KCNA2: variants seen among roughly 807,000 people sequenced by gnomAD.
KCNA2 encodes potassium channel, voltage gated shaker related subfamily A, member 2.
KCNA2 carries 11 observed loss-of-function variants against 33.4 expected under a neutral mutation model. That is an observed-to-expected ratio of 0.33 (90% CI 0.21 to 0.55). The LOEUF is 0.55. Among genes scored for constraint, KCNA2 ranks in the 20% least tolerant of loss-of-function variants. The probability of loss-of-function intolerance (pLI) is 0.93; values close to 1 mark genes in which losing one functional copy is unlikely to be tolerated. For missense variants in KCNA2, 291 were observed against 621.6 expected, an observed-to-expected ratio of 0.47 and a Z score of 5.66; for synonymous variants, 222 against 231.3, an observed-to-expected ratio of 0.96 and a Z score of 0.37.
upstream of KCNA2, among the ~76,000 whole-genome samples, chr1:110,608,860 G>C (rs1303159016): frequency 1.3e-5 from 2 of 152,152 alleles, no homozygotes; most frequent in African/African-American, 4.8e-5. Context: ...GGTTTTAATT[G>C]TTGAATGAGT....
chr1:110,612,164 C>T (rs994999042), intron 1 of KCNA2, among the ~76,000 whole-genome samples: 3 of 152,178 alleles, frequency 2.0e-5, no homozygotes, highest in African/African-American at 7.2e-5. Flanking sequence ...TGCTAATACT[C>T]AAAGGCAGTA....
At position 110,599,564 on chromosome 1, in the gene KCNA2, C is replaced by A. The variant is rs992904687; in HGVS notation, c.*3719G>T. 142 of 985,290 alleles carry A rather than the reference C, an allele frequency of 1.4e-4. 1 individual carries two copies. Among genetic ancestry groups the A allele is most frequent in the Admixed American group, 2.5e-4 (4 of 16,270 alleles). 61.0% of individuals were successfully genotyped at this position (985,290 alleles called of 1,614,324 possible). ...ATGCACAAGAGCAAGTGAAATGCCACAAGCAAGTAAAGGTGGCTCATTTTA... is the reference window on the plus strand; with the variant it reads ...ATGCACAAGAGCAAGTGAAATGCCAAAAGCAAGTAAAGGTGGCTCATTTTA... On this transcript the variant is annotated 3_prime_UTR_variant, in exon 3 of 3. Transcript: ENST00000316361.
Position 110,595,940 on chromosome 1 carries a change from C to T in KCNA2, c.*7343G>A, listed in dbSNP as rs976723896. Reference sequence around the variant, plus strand: ...TTGCCAGGTCTTCAAGCTTTCCACTCCCCTCGAGTACAAAGTTTGGAATAA... The same window carrying T: ...TTGCCAGGTCTTCAAGCTTTCCACTTCCCTCGAGTACAAAGTTTGGAATAA... On this transcript the variant is annotated 3_prime_UTR_variant, in exon 3 of 3. Coordinates refer to ENST00000316361, the MANE Select transcript of KCNA2 (RefSeq NM_004974.4). 9.1e-6 allele frequency: 9 copies of T among 985,318 alleles called. No individual in the cohort carries two copies. Among genetic ancestry groups the T allele is most frequent in the Non-Finnish European group, 1.1e-5 (9 of 829,944 alleles). 61.0% of individuals were successfully genotyped at this position (985,318 alleles called of 1,614,324 possible).
Position 110,597,393 on chromosome 1 carries a change from T to C in KCNA2, c.*5890A>G. 2 of 985,396 alleles carry C rather than the reference T, an allele frequency of 2.0e-6. No homozygotes were observed. Among genetic ancestry groups the C allele is most frequent in the Non-Finnish European group, 1.2e-6 (1 of 829,934 alleles). 61.0% of individuals were successfully genotyped at this position (985,396 alleles called of 1,614,324 possible). A position where few individuals can be genotyped will look rare whatever the true frequency, so the allele number is the denominator to read the frequency against. ...CCAGACTGAGGGAAAGTCAACAAAA[T>C]GGGCTGAAAAGGTCACACAAACTTA... is the stretch of plus-strand genomic sequence containing the variant. On this transcript the variant is annotated 3_prime_UTR_variant, in exon 3 of 3. Coordinates refer to ENST00000316361, the MANE Select transcript of KCNA2 (RefSeq NM_004974.4).
rs1034972434 is a variant in KCNA2, at chr1:110,595,721, C to T, written c.*7562G>A. The stretch of plus-strand genomic sequence containing the variant: ...AACTGAATTTCAGCTGCTCTAATAC[C>T]CACACCCTCAACTTAGGTTTAGTCA... On this transcript the variant is annotated 3_prime_UTR_variant, in exon 3 of 3. Coordinates refer to ENST00000316361, the MANE Select transcript of KCNA2 (RefSeq NM_004974.4). 1.0e-6 allele frequency: 1 copy of T among 985,246 alleles called. No homozygotes were observed. The highest frequency in any genetic ancestry group is 1.2e-6 in the Non-Finnish European group (1 of 829,924). The allele number at this position is 985,246 out of a possible 1,614,324, so 61.0% of individuals were successfully genotyped here.
chr1:110,594,248 C>T lies in KCNA2; in HGVS notation c.*9035G>A. 1 of 1,040,072 alleles carries T rather than the reference C, an allele frequency of 9.6e-7. No individual in the cohort carries two copies. Among genetic ancestry groups the T allele is most frequent in the Non-Finnish European group, 1.2e-6 (1 of 866,386 alleles). The allele number at this position is 1,040,072 out of a possible 1,614,324, so 64.4% of individuals were successfully genotyped here. The stretch of plus-strand genomic sequence containing the variant: ...CAAACCCTAACTGGAGTCTGTGCTG[C>T]ATGAGCCTAAGTGAGTGGCGGCCAT... On this transcript the variant is annotated 3_prime_UTR_variant, in exon 3 of 3. Transcript: ENST00000316361.
Position 110,603,262 on chromosome 1 carries a change from G to A in KCNA2, c.*21C>T, listed in dbSNP as rs780841431. 1.3e-6 allele frequency: 2 copies of A among 1,579,624 alleles called. No homozygotes were observed. Among genetic ancestry groups the A allele is most frequent in the East Asian group, 4.5e-5 (2 of 44,676 alleles). On this transcript the variant is annotated 3_prime_UTR_variant, in exon 3 of 3. Coordinates refer to ENST00000316361, the MANE Select transcript of KCNA2 (RefSeq NM_004974.4). The surrounding 1 kb of genome is among the most constrained non-coding windows in gnomAD (Gnocchi z 5.7). ...ATCTGCATTAGTTCCATTGAGCTGT[G>A]AGTACGGTAATAGGTTTCAATCAGA...
At chr1:110,627,100 A>G (rs1258224451) in intron 1 of KCNA2, among the ~76,000 whole-genome samples, 1 of 152,220 alleles carries the variant, frequency 6.6e-6, no homozygotes, top group Non-Finnish European at 1.5e-5. Context: ...TGAAAACAGA[A>G]GAGGTAAAAC....
In KCNA2 at chr1:110,599,070, T is replaced by C. The variant is rs1407444225; in HGVS notation, c.*4213A>G. ...GGACCCATATGTCCACTCCCTACTG[T>C]TGTTACCTTTTCTGTAGAGACTGGG... On this transcript the variant is annotated 3_prime_UTR_variant, in exon 3 of 3. Transcript: ENST00000316361. 1 of 985,240 alleles carries C rather than the reference T, an allele frequency of 1.0e-6. No individual in the cohort carries two copies. Among genetic ancestry groups the C allele is most frequent in the Non-Finnish European group, 1.2e-6 (1 of 829,900 alleles). 61.0% of individuals were successfully genotyped at this position (985,240 alleles called of 1,614,324 possible). A position where few individuals can be genotyped will look rare whatever the true frequency, so the allele number is the denominator to read the frequency against.
chr1:110,601,828 G>GTA lies in KCNA2; in HGVS notation c.*1453_*1454dup, dbSNP rs1553181014. 8,841 of 1,225,606 alleles carry GTA rather than the reference G, an allele frequency of 7.2e-3. 171 individuals are homozygous for GTA. The highest frequency in any genetic ancestry group is 0.022 in the African/African-American group (1,325 of 60,380). The allele number at this position is 1,225,606 out of a possible 1,614,324, so 75.9% of individuals were successfully genotyped here. A position where few individuals can be genotyped will look rare whatever the true frequency, so the allele number is the denominator to read the frequency against. On this transcript the variant is annotated 3_prime_UTR_variant, in exon 3 of 3. Coordinates refer to ENST00000316361, the MANE Select transcript of KCNA2 (RefSeq NM_004974.4). ...TGTGTGTGTGTGTGTGTGTGTGTGT[G>GTA]TATACATATACACACATATGTATGT...
Position 110,593,963 on chromosome 1 carries a change from A to G in KCNA2, c.*9320T>C, listed in dbSNP as rs764937590. On this transcript the variant is annotated 3_prime_UTR_variant, in exon 3 of 3. Coordinates refer to ENST00000316361, the MANE Select transcript of KCNA2 (RefSeq NM_004974.4). ...CAAGAAGCAAACAAATAGTTAAATGACTCCCAACTCCCATGAGTCTTCCCC... is the reference window on the plus strand; with the variant it reads ...CAAGAAGCAAACAAATAGTTAAATGGCTCCCAACTCCCATGAGTCTTCCCC... 17 of 1,548,156 alleles carry G rather than the reference A, an allele frequency of 1.1e-5. No individual in the cohort carries two copies.
intron 1 of KCNA2, among the ~76,000 whole-genome samples, chr1:110,613,106 C>A (rs564090003): frequency 1.8e-4 from 27 of 152,248 alleles, no homozygotes; most frequent in Non-Finnish European, 2.4e-4. Flanking sequence ...TTCCAGATGG[C>A]TCCAGGTGTT....
Position 110,600,356 on chromosome 1 carries a change from T to C in KCNA2, c.*2927A>G. The C allele has an allele frequency of 2.0e-6, 2 of 984,806 alleles. No individual in the cohort carries two copies. The highest frequency in any genetic ancestry group is 2.4e-6 in the Non-Finnish European group (2 of 829,806). 61.0% of individuals were successfully genotyped at this position (984,806 alleles called of 1,614,324 possible). A position where few individuals can be genotyped will look rare whatever the true frequency, so the allele number is the denominator to read the frequency against. On this transcript the variant is annotated 3_prime_UTR_variant, in exon 3 of 3. Transcript: ENST00000316361. The stretch of plus-strand genomic sequence containing the variant: ...GTGTATCTTATATGCATATGCATTT[T>C]GTCCATGTAGTTTTTTATGTATTTT...
intron 1 of KCNA2, among the ~76,000 whole-genome samples, chr1:110,627,070 G>C (rs1650411618): frequency 6.6e-6 from 1 of 152,194 alleles, no homozygotes; most frequent in South Asian, 2.1e-4. Flanking sequence ...TGCTGTCTCT[G>C]TTTCACACAC....
chr1:110,613,146 A>G (rs1462798689), intron 1 of KCNA2, among the ~76,000 whole-genome samples: 1 of 152,194 alleles, frequency 6.6e-6, no homozygotes, highest in Non-Finnish European at 1.5e-5. Context: ...CCCCCTGGCC[A>G]GAATGCCCTA....
chr1:110,611,564 A>AT (rs900528090), intron 1 of KCNA2, among the ~76,000 whole-genome samples: 9 of 150,946 alleles, frequency 6.0e-5, no homozygotes, highest in Middle Eastern at 3.4e-3. Context: ...CACCTCTAAA[A>AT]TTTTTTTTTT....
intron 1 of KCNA2, among the ~76,000 whole-genome samples, chr1:110,618,194 A>C (rs541100496): frequency 6.6e-6 from 1 of 152,184 alleles, no homozygotes; most frequent in Non-Finnish European, 1.5e-5. Flanking sequence ...ATAATTTAAA[A>C]AAATTATCTG....
rs1434651842 is a variant in KCNA2, at chr1:110,599,489, C to T, written c.*3794G>A. 6 of 984,922 alleles carry T rather than the reference C, an allele frequency of 6.1e-6. No homozygotes were observed. The highest frequency in any genetic ancestry group is 1.8e-5 in the African/African-American group (1 of 57,084). The allele number at this position is 984,922 out of a possible 1,614,324, so 61.0% of individuals were successfully genotyped here. On this transcript the variant is annotated 3_prime_UTR_variant, in exon 3 of 3. Coordinates refer to ENST00000316361, the MANE Select transcript of KCNA2 (RefSeq NM_004974.4). ...ACAAGAGGAAAAGGAAGAGCGTGCC[C>T]GGGATTGAACACACCCAGAGGGGAA...
Position 110,597,153 on chromosome 1 carries a change from A to G in KCNA2, c.*6130T>C, listed in dbSNP as rs960685258. The G allele has an allele frequency of 1.0e-6, 1 of 985,350 alleles. No individual in the cohort carries two copies. The highest frequency in any genetic ancestry group is 1.2e-6 in the Non-Finnish European group (1 of 829,962). The allele number at this position is 985,350 out of a possible 1,614,324, so 61.0% of individuals were successfully genotyped here. On this transcript the variant is annotated 3_prime_UTR_variant, in exon 3 of 3. Coordinates refer to ENST00000316361, the MANE Select transcript of KCNA2 (RefSeq NM_004974.4). ...AGTCAGCTTATTTTGAAAGAGAGTC[A>G]GAGGGCAATTCCCAAATCTGCCCAG...
Sources: allele counts gnomAD v4.1 joint callset (sites outside exome capture counted in the v4.1 genomes callset), GRCh38; gene constraint gnomAD v4.1.1; non-coding constraint Gnocchi (gnomAD v3.1); transcripts MANE v1.5; gene names NCBI Gene and HGNC (gene_info 2026-07-23, HGNC 2026-07-21).